The following RUVBL2 variants were observed in gnomAD, a reference collection of about 807,000 sequenced individuals.
RUVBL2 encodes ruvB-like 2.
Under a neutral mutation model 57.9 loss-of-function variants are expected in RUVBL2, and 9 were observed. That is an observed-to-expected ratio of 0.16 (90% confidence interval 0.09 to 0.27). RUVBL2 has a LOEUF of 0.27. RUVBL2 is among the 10% of genes least tolerant of loss of function. The pLI, the probability that RUVBL2 is intolerant of heterozygous loss-of-function variation, is 1.00. For missense variants in RUVBL2, 456 were observed against 669.6 expected (o/e 0.68, Z 3.52); for synonymous variants, 278 against 264.6 (o/e 1.05, Z -0.49).
chr19:49,008,518 G>A (rs961248008), intron 6 of RUVBL2, among the ~76,000 whole-genome samples: 4 of 149,858 alleles, frequency 2.7e-5, no homozygotes, highest in Admixed American at 2.6e-4. Context: ...GTGAGCCACT[G>A]CACCCTGCCT....
At chr19:48,993,838 G>T, upstream of RUVBL2, 2 of 1,583,786 alleles carry the variant, frequency 1.3e-6, no homozygotes, top group South Asian at 1.1e-5. Context: ...GAACCAGCTA[G>T]CCTAGAGGAG....
intron 2 of RUVBL2, among the ~76,000 whole-genome samples, chr19:49,000,671 C>T (rs1158608937): frequency 6.6e-6 from 1 of 152,110 alleles, no homozygotes; most frequent in Non-Finnish European, 1.5e-5. Context: ...TTGAGACCAG[C>T]TTGGCCAACA....
At chr19:49,000,502 C>T (rs2039157976) in intron 2 of RUVBL2, among the ~76,000 whole-genome samples, 1 of 152,084 alleles carries the variant, frequency 6.6e-6, no homozygotes, top group African/African-American at 2.4e-5. Context: ...TGCAGTGAGC[C>T]AAGATCATGC....
chr19:48,995,745 G>T (rs1029839747), intron 1 of RUVBL2, among the ~76,000 whole-genome samples: 2 of 151,964 alleles, frequency 1.3e-5, no homozygotes, highest in East Asian at 1.9e-4. Context: ...CAGCACTTTG[G>T]GGGGTCGAGG....
At chr19:48,999,286 C>T in intron 1 of RUVBL2, 33 bp from the exon 2 acceptor site, 2 of 1,612,942 alleles carry the variant, frequency 1.2e-6, no homozygotes, top group Non-Finnish European at 1.7e-6. Flanking sequence ...TGGGACCACA[C>T]TAGTCCTCTG....
In RUVBL2 at chr19:49,011,886, G is replaced by T. The variant is rs889903136; in HGVS notation, c.1001+576G>T. On this transcript the variant is annotated intron_variant, in intron 11 of 14. Transcript: ENST00000595090. This position sits in a 1 kb window ranked among gnomAD's most constrained non-coding sequence, Gnocchi z 4.4. ...GGGGACAGATTCCTGTGACACAGAG[G>T]GTACTGTGCTGTGCTGAAGCCTGGG... Among the ~76,000 whole-genome samples, 1 of 120,324 alleles carries T rather than the reference G, an allele frequency of 8.3e-6. No homozygotes were observed. The highest frequency in any genetic ancestry group is 2.0e-5 in the Non-Finnish European group (1 of 50,258). The allele number at this position is 120,324 out of a possible 152,430, so 78.9% of individuals were successfully genotyped here. A position where few individuals can be genotyped will look rare whatever the true frequency, so the allele number is the denominator to read the frequency against.
intron 11 of RUVBL2, among the ~76,000 whole-genome samples, chr19:49,012,698 A>G (rs1018502687): frequency 7.2e-5 from 11 of 152,232 alleles, no homozygotes; most frequent in African/African-American, 2.7e-4. Flanking sequence ...CTGCTCCCTT[A>G]GCGCTCATGC....
intron 2 of RUVBL2, among the ~76,000 whole-genome samples, chr19:49,000,019 G>A (rs1410284966): frequency 1.3e-5 from 2 of 152,170 alleles, no homozygotes; most frequent in Non-Finnish European, 2.9e-5. Context: ...CAGGGCATCC[G>A]AGAAAGGCAG....
intron 9 of RUVBL2, among the ~76,000 whole-genome samples, 158 bp from the exon 10 acceptor site, chr19:49,010,841 C>T (rs1361455807): frequency 6.6e-6 from 1 of 152,220 alleles, no homozygotes; most frequent in African/African-American, 2.4e-5. Flanking sequence ...TTCTCTGCCT[C>T]TGTTCCTCCT....
chr19:49,015,911 T>A lies in RUVBL2; in HGVS notation c.*69T>A. The stretch of plus-strand genomic sequence containing the variant: ...TCTGACACTGTGACTCTGTATAAAA[T>A]GGTTGGGAAGCTGCACCCACCCTGT... On this transcript the variant is annotated 3_prime_UTR_variant, in exon 15 of 15. Coordinates refer to ENST00000595090, the MANE Select transcript of RUVBL2 (RefSeq NM_006666.3). The A allele has an allele frequency of 6.2e-7, 1 of 1,614,074 alleles. No individual in the cohort carries two copies. The highest frequency in any genetic ancestry group is 8.5e-7 in the Non-Finnish European group (1 of 1,179,920).
chr19:49,001,869 C>T (rs945422049), intron 2 of RUVBL2, among the ~76,000 whole-genome samples: 1 of 152,158 alleles, frequency 6.6e-6, no homozygotes, highest in Non-Finnish European at 1.5e-5. Flanking sequence ...CTCGGCCTCC[C>T]AAAATGCTGG....
intron 1 of RUVBL2, among the ~76,000 whole-genome samples, chr19:48,995,180 T>G (rs912722789): frequency 1.3e-5 from 2 of 151,852 alleles, no homozygotes; most frequent in Non-Finnish European, 2.9e-5. Context: ...TGTGCTGAGT[T>G]TTGAAATGAC....
intron 6 of RUVBL2, 132 bp downstream of exon 6, chr19:49,007,500 C>A: frequency 1.4e-6 from 1 of 723,090 alleles, no homozygotes; most frequent in Non-Finnish European, 2.3e-6. Context: ...CATGTACATG[C>A]CTACAGTAGG....
In RUVBL2 at chr19:49,015,573, G is replaced by A. The variant is rs2039531056; in HGVS notation, c.1253G>A (p.Gly418Asp). 3.1e-6 allele frequency: 5 copies of A among 1,612,708 alleles called. No individual in the cohort carries two copies. The highest frequency in any genetic ancestry group is 4.2e-6 in the Non-Finnish European group (5 of 1,178,852). Residue 418 changes from glycine (G) to aspartate (D), a missense_variant and splice_region_variant, in exon 14 of 15, where the codon GGT (glycine) becomes GAT (aspartate). Physicochemically the swap from Gly to Asp is moderately conservative, Grantham distance 94. This residue lies in a region of RUVBL2 where 67 missense variants were observed against 71.5 expected (regional missense o/e 0.94). Transcript: ENST00000595090. The part of the protein sequence containing the change: ...AASLVCRKRK[G>D]TEVQVDDIKR... ...TGAGGACTCGCCCTCCCCCTCCAGG[G>A]TACAGAAGTGCAGGTGGATGACATC...
Position 49,015,604 on chromosome 19 carries a change from G to T in RUVBL2, c.1284G>T (p.Arg428=). The change falls in exon 14 of 15, where the codon CGG becomes CGT. Residue 428 remains arginine (R), a synonymous_variant. Coordinates refer to ENST00000595090, the MANE Select transcript of RUVBL2 (RefSeq NM_006666.3). ...AAGTGCAGGTGGATGACATCAAGCG[G>T]GTCTACTCACTCTTCCTGGACGAGT... ...GTEVQVDDIK[R]VYSLFLDESR... 1 of 1,614,026 alleles carries T rather than the reference G, an allele frequency of 6.2e-7. No individual in the cohort carries two copies. The highest frequency in any genetic ancestry group is 8.5e-7 in the Non-Finnish European group (1 of 1,180,016).
At chr19:49,005,066 A>G (rs2039257197) in intron 4 of RUVBL2, among the ~76,000 whole-genome samples, 1 of 151,860 alleles carries the variant, frequency 6.6e-6, no homozygotes, top group African/African-American at 2.4e-5. Context: ...TCTTTGTTGC[A>G]GTCCGCTAGT....
chr19:48,996,599 C>T (rs1349748748), intron 1 of RUVBL2, among the ~76,000 whole-genome samples: 2 of 152,024 alleles, frequency 1.3e-5, no homozygotes, highest in Admixed American at 6.6e-5. Context: ...GATCTCTGCT[C>T]GCTACAACCT....
At chr19:49,015,392 G>T in intron 13 of RUVBL2, 180 bp from the exon 14 acceptor site, 1 of 709,320 alleles carries the variant, frequency 1.4e-6, no homozygotes, top group Admixed American at 2.4e-5. Flanking sequence ...GGAATGAAGA[G>T]GCTGGGCCCA....
intron 4 of RUVBL2, 73 bp downstream of exon 4, chr19:49,004,491 G>A (rs1194092055): frequency 6.8e-7 from 1 of 1,462,152 alleles, no homozygotes; most frequent in African/African-American, 1.4e-5. Context: ...TCAGGGTCAG[G>A]ATGAGCCGCC....
Sources: allele counts gnomAD v4.1 joint callset (sites outside exome capture counted in the v4.1 genomes callset), GRCh38; gene constraint gnomAD v4.1.1; regional missense constraint gnomAD v4.1.1; non-coding constraint Gnocchi (gnomAD v3.1); transcripts MANE v1.5; gene names NCBI Gene and HGNC (gene_info 2026-07-23, HGNC 2026-07-21).